Variants in SFMBT2 observed in about 807,000 individuals in gnomAD.
SFMBT2 encodes Scm like with four mbt domains 2.
Under a neutral mutation model 110.1 loss-of-function variants are expected in SFMBT2, and 38 were observed. That is an observed-to-expected ratio of 0.35 (90% CI 0.27 to 0.45). SFMBT2 has a LOEUF of 0.45. Among genes scored for constraint, SFMBT2 ranks in the 20% least tolerant of loss-of-function variants. The pLI is 1.00. For missense variants in SFMBT2, 1,011 were observed against 1,094.9 expected, an observed-to-expected ratio of 0.92 and a Z score of 1.08; for synonymous variants, 425 against 425.4, an observed-to-expected ratio of 1.00 and a Z score of 0.01.
intron 2 of SFMBT2, among the ~76,000 whole-genome samples, chr10:7,372,471 T>C (rs12761524): frequency 2.0e-5 from 3 of 152,204 alleles, no homozygotes; most frequent in African/African-American, 7.2e-5. Context: ...CTTTCCTTGG[T>C]GGTGCTCTAA....
intron 2 of SFMBT2, among the ~76,000 whole-genome samples, chr10:7,373,403 G>A (rs1845111748): frequency 6.6e-6 from 1 of 152,150 alleles, no homozygotes; most frequent in Non-Finnish European, 1.5e-5. Context: ...CGGGTATTCT[G>A]TTATAGGAAC....
rs1180065035 is a variant in SFMBT2 at position 7,170,465 on chromosome 10, G to A, written c.2544+463C>T. On this transcript the variant is annotated intron_variant, in intron 20 of 20. Transcript: ENST00000397167. This position sits in a 1 kb window ranked among gnomAD's most constrained non-coding sequence, Gnocchi z 4.6. ...GGCAGAGTGTGCTATCCTGACTTCC[G>A]GCCTGGCCAGGTGGCAACTGGGCAC... is the stretch of plus-strand genomic sequence containing the variant. 6.6e-5 allele frequency among the ~76,000 whole-genome samples: 10 copies of A among 152,224 alleles called. No homozygotes were observed. Among genetic ancestry groups the A allele is most frequent in the African/African-American group, 7.2e-5 (3 of 41,522 alleles).
rs749515517 is a variant in SFMBT2 at position 7,163,947 on chromosome 10, T to C, written c.2545-37A>G. The C allele has an allele frequency of 1.6e-5, 26 of 1,602,224 alleles. No homozygotes were observed. The highest frequency in any genetic ancestry group is 1.7e-5 in the Non-Finnish European group (20 of 1,173,788). Reference sequence around the variant, plus strand: ...GAAAGGCAGGTTAGAGAAGGGGCAGTGTGCACTGGGGTACACAGATGCGTC... The same window carrying C: ...GAAAGGCAGGTTAGAGAAGGGGCAGCGTGCACTGGGGTACACAGATGCGTC... On this transcript the variant is annotated intron_variant, in intron 20 of 20. Transcript: ENST00000397167. This position sits in a 1 kb window ranked among gnomAD's most constrained non-coding sequence, Gnocchi z 4.8.
rs1277985297 is a variant in SFMBT2 at position 7,159,128 on chromosome 10, C to A, written c.*4642G>T. 7.9e-5 allele frequency: 12 copies of A among 152,166 alleles called. No individual in the cohort carries two copies. Among genetic ancestry groups the A allele is most frequent in the Non-Finnish European group, 1.8e-4 (12 of 68,040 alleles). 9.4% of individuals were successfully genotyped at this position (152,166 alleles called of 1,614,324 possible). A position where few individuals can be genotyped will look rare whatever the true frequency, so the allele number is the denominator to read the frequency against. On this transcript the variant is annotated 3_prime_UTR_variant, in exon 21 of 21. Coordinates refer to ENST00000397167, the MANE Select transcript of SFMBT2 (RefSeq NM_001387889.1). ...CAGCCACACAAAAAGCACTGCTCTGCGTTGGTTAGGCGACACGACCGTCAT... is the reference window on the plus strand; with the variant it reads ...CAGCCACACAAAAAGCACTGCTCTGAGTTGGTTAGGCGACACGACCGTCAT...
At chr10:7,308,856 A>G (rs908100028) in intron 4 of SFMBT2, among the ~76,000 whole-genome samples, 1 of 152,230 alleles carries the variant, frequency 6.6e-6, no homozygotes, top group African/African-American at 2.4e-5. Flanking sequence ...CTGATTCTGC[A>G]ACACATAACT....
chr10:7,224,472 A>T (rs1839844622), intron 10 of SFMBT2, among the ~76,000 whole-genome samples: 1 of 152,206 alleles, frequency 6.6e-6, no homozygotes, highest in Admixed American at 6.5e-5. Flanking sequence ...ATCAGGCCAG[A>T]GAGACCATGA....
chr10:7,195,163 C>T (rs777712616), intron 15 of SFMBT2, among the ~76,000 whole-genome samples: 15 of 152,172 alleles, frequency 9.9e-5, no homozygotes, highest in South Asian at 2.1e-4. Flanking sequence ...CTGTGGCAGA[C>T]GGAAGAAAGT....
At chr10:7,335,075 C>T (rs1195563941) in intron 4 of SFMBT2, among the ~76,000 whole-genome samples, 2 of 152,108 alleles carry the variant, frequency 1.3e-5, no homozygotes, top group African/African-American at 4.8e-5. Flanking sequence ...TTGGGAGAAA[C>T]TGATCTTTTT....
intron 4 of SFMBT2, among the ~76,000 whole-genome samples, chr10:7,342,601 G>A (rs1006964921): frequency 2.0e-4 from 30 of 151,886 alleles, no homozygotes; most frequent in Admixed American, 1.7e-3. Flanking sequence ...AATAGAGACA[G>A]GGTTTCACCA....
rs555932635 is a variant in SFMBT2 at position 7,262,260 on chromosome 10, C to T, written c.871-13611G>A. Among the ~76,000 whole-genome samples, 232 of 152,152 alleles carry T rather than the reference C, an allele frequency of 1.5e-3. 1 individual carries two copies. Among genetic ancestry groups the T allele is most frequent in the South Asian group, 4.4e-3 (21 of 4,812 alleles). ...GTTTTTTGGAGGGGGGATGGGGGAG[C>T]CACCTCCAAACAATTTTACCGTGGC... On this transcript the variant is annotated intron_variant, in intron 7 of 20. Coordinates refer to ENST00000397167, the MANE Select transcript of SFMBT2 (RefSeq NM_001387889.1).
chr10:7,164,774 CACACACACACACACACA>C (rs1564361573), intron 20 of SFMBT2, among the ~76,000 whole-genome samples: 4 of 151,452 alleles, frequency 2.6e-5, no homozygotes, highest in East Asian at 1.9e-4. Flanking sequence ...CACACACACA[CACACACACACACACACA>C]CCATTTACAG....
intron 1 of SFMBT2, among the ~76,000 whole-genome samples, chr10:7,405,830 C>T (rs568491568): frequency 3.2e-5 from 4 of 126,684 alleles, no homozygotes; most frequent in African/African-American, 5.6e-5. Context: ...ATTCCCCCCC[C>T]GACCCCCGCT....
chr10:7,218,344 C>A (rs1839611729), intron 11 of SFMBT2, among the ~76,000 whole-genome samples: 1 of 152,130 alleles, frequency 6.6e-6, no homozygotes, highest in Admixed American at 6.5e-5. Context: ...GGTCAGTGCT[C>A]AGTAAGGGCC....
chr10:7,289,013 G>C (rs891655599), intron 4 of SFMBT2, among the ~76,000 whole-genome samples: 3 of 150,008 alleles, frequency 2.0e-5, no homozygotes, highest in African/African-American at 4.9e-5. Context: ...AAAAAAACTA[G>C]AAACAGCCTC....
chr10:7,402,375 C>T (rs890877064), intron 1 of SFMBT2, among the ~76,000 whole-genome samples: 1 of 152,082 alleles, frequency 6.6e-6, no homozygotes, highest in Non-Finnish European at 1.5e-5. Flanking sequence ...TGCCATCCAT[C>T]GCAGGAAAAA....
At chr10:7,185,349 C>G (rs1444509778) in intron 16 of SFMBT2, among the ~76,000 whole-genome samples, 1 of 152,194 alleles carries the variant, frequency 6.6e-6, no homozygotes, top group African/African-American at 2.4e-5. Flanking sequence ...AAACCTTTTC[C>G]GGTGAAGTCT....
chr10:7,383,290 G>A (rs1845478894), intron 1 of SFMBT2, among the ~76,000 whole-genome samples: 1 of 152,086 alleles, frequency 6.6e-6, no homozygotes. Context: ...GATCATTTGA[G>A]CTCAGGAGTT....
intron 4 of SFMBT2, among the ~76,000 whole-genome samples, chr10:7,359,181 C>T (rs1486047181): frequency 6.6e-6 from 1 of 152,238 alleles, no homozygotes; most frequent in East Asian, 1.9e-4. Flanking sequence ...GTAAAGCTGC[C>T]ACGGGGCTTC....
chr10:7,234,819 C>G (rs1271771210), intron 9 of SFMBT2, among the ~76,000 whole-genome samples: 1 of 152,126 alleles, frequency 6.6e-6, no homozygotes, highest in Non-Finnish European at 1.5e-5. Context: ...CCTGAAAGAG[C>G]CCTGAAAGCC....
Sources: gnomAD v4.1 joint callset for allele counts (sites outside exome capture counted in the v4.1 genomes callset) on GRCh38, gnomAD v4.1.1 for gene constraint, Gnocchi (gnomAD v3.1) non-coding constraint, MANE v1.5 for transcripts, NCBI Gene and HGNC (gene_info 2026-07-23, HGNC 2026-07-21) for gene names.